The following ADAMTSL1 variants were observed in gnomAD, a reference collection of about 807,000 sequenced individuals.
The protein encoded by ADAMTSL1 is ADAMTS-like protein 1.
ADAMTSL1 carries 126 observed loss-of-function variants against 201.8 expected under a neutral mutation model. The observed-to-expected ratio is 0.62, with a 90% CI of 0.54 to 0.72. ADAMTSL1 has a LOEUF of 0.72. Ranked by LOEUF, ADAMTSL1 falls within the 30% of genes least tolerant of loss-of-function variation. The pLI, the probability that ADAMTSL1 is intolerant of heterozygous loss-of-function variation, is 0.00. For missense variants in ADAMTSL1, 2,679 were observed against 2,277.8 expected, an observed-to-expected ratio of 1.18 and a Z score of -3.59; for synonymous variants, 1,121 against 903.4, an observed-to-expected ratio of 1.24 and a Z score of -4.32.
intron 2 of ADAMTSL1, among the ~76,000 whole-genome samples, chr9:18,191,411 C>T (rs914868784): frequency 4.6e-5 from 7 of 152,120 alleles, no homozygotes; most frequent in African/African-American, 1.4e-4. Flanking sequence ...AGACTGATGG[C>T]ATCTCAGGCG....
At chr9:18,173,244 T>G (rs908919931) in intron 2 of ADAMTSL1, among the ~76,000 whole-genome samples, 1 of 152,128 alleles carries the variant, frequency 6.6e-6, no homozygotes, top group Non-Finnish European at 1.5e-5. Context: ...TAGCAGTGGT[T>G]GAACTGGAAA....
intron 2 of ADAMTSL1, among the ~76,000 whole-genome samples, chr9:18,445,341 T>C (rs1820150759): frequency 6.6e-6 from 1 of 152,184 alleles, no homozygotes; most frequent in African/African-American, 2.4e-5. Flanking sequence ...TTGACTTTGT[T>C]TGTTTAATGC....
intron 4 of ADAMTSL1, among the ~76,000 whole-genome samples, chr9:18,597,274 A>T (rs118167044): frequency 1.3e-5 from 2 of 152,120 alleles, no homozygotes; most frequent in African/African-American, 4.8e-5. Context: ...GAGCCTGTTG[A>T]TGTGAGCTAA....
intron 1 of ADAMTSL1, among the ~76,000 whole-genome samples, chr9:18,083,808 C>T (rs1823620451): frequency 6.6e-6 from 1 of 152,172 alleles, no homozygotes. Context: ...TTACCACCCT[C>T]CACAATACAA....
At chr9:18,300,551 G>A (rs573098760) in intron 2 of ADAMTSL1, among the ~76,000 whole-genome samples, 81 of 152,144 alleles carry the variant, frequency 5.3e-4, no homozygotes, top group African/African-American at 1.8e-3. Context: ...CATGGTACAC[G>A]TATACCTATG....
chr9:18,443,613 A>T (rs1364022552), intron 2 of ADAMTSL1, among the ~76,000 whole-genome samples: 1 of 152,196 alleles, frequency 6.6e-6, no homozygotes, highest in Non-Finnish European at 1.5e-5. Context: ...TAAGAAAGAA[A>T]ATGACTTCAT....
chr9:18,888,007 G>A lies in ADAMTSL1; in HGVS notation c.4426G>A (p.Gly1476Arg). ...EFSCLAQNEA[G>R]VLMQKASLVI... ...CAGCTGCCTTGCTCAGAATGAGGCA[G>A]GGGTGCTCATGCAGAAGGCATCTTT... The change falls in exon 24 of 29, where the codon GGG becomes AGG. Residue 1476 changes from glycine (G) to arginine (R), a missense_variant. By Grantham distance (125) the Gly-to-Arg change is moderately radical. Coordinates refer to ENST00000380548, the MANE Select transcript of ADAMTSL1 (RefSeq NM_001040272.6). 1 of 1,613,810 alleles carries A rather than the reference G, an allele frequency of 6.2e-7. No individual in the cohort carries two copies. Among genetic ancestry groups the A allele is most frequent in the East Asian group, 2.2e-5 (1 of 44,888 alleles).
At chr9:18,273,376 C>T (rs923711679) in intron 2 of ADAMTSL1, among the ~76,000 whole-genome samples, 15 of 152,114 alleles carry the variant, frequency 9.9e-5, no homozygotes, top group Non-Finnish European at 1.6e-4. Context: ...TCATCACGCC[C>T]GGCCACCTCA....
intron 2 of ADAMTSL1, among the ~76,000 whole-genome samples, chr9:18,390,487 C>A (rs564593125): frequency 3.3e-5 from 5 of 152,174 alleles, no homozygotes; most frequent in Non-Finnish European, 7.3e-5. Flanking sequence ...TCATTTCTCT[C>A]GGTCAGCTTT....
chr9:18,358,667 G>A (rs970252784), intron 2 of ADAMTSL1, among the ~76,000 whole-genome samples: 1 of 152,162 alleles, frequency 6.6e-6, no homozygotes, highest in Non-Finnish European at 1.5e-5. Flanking sequence ...TTAACACAAT[G>A]TTTTAAAGCT....
At chr9:18,894,345 C>CTTTTTTTTTTTTTTTTTTTTTTTTTT (rs56112949) in intron 26 of ADAMTSL1, among the ~76,000 whole-genome samples, 1 of 124,040 alleles carries the variant, frequency 8.1e-6, no homozygotes. Flanking sequence ...AAAACCTTGT[C>CTTTTTTTTTTTTTTTTTTTTTTTTTT]TTTTTTTTTT....
chr9:18,553,283 T>C (rs1206228291), intron 3 of ADAMTSL1, among the ~76,000 whole-genome samples: 2 of 151,088 alleles, frequency 1.3e-5, no homozygotes, highest in Non-Finnish European at 3.0e-5. Context: ...TCCATTTCTA[T>C]TTTTTTACTA....
At chr9:18,313,223 G>A (rs1222125806) in intron 2 of ADAMTSL1, among the ~76,000 whole-genome samples, 2 of 152,158 alleles carry the variant, frequency 1.3e-5, no homozygotes, top group African/African-American at 4.8e-5. Flanking sequence ...TCGTCCTCCA[G>A]ACAACTCTTT....
chr9:18,295,832 G>A (rs60964551), intron 2 of ADAMTSL1, among the ~76,000 whole-genome samples: 10,032 of 152,080 alleles, frequency 0.066, 1,110 homozygotes, highest in African/African-American at 0.23. Context: ...ATAATTAAGT[G>A]CCATCAAAAA....
intron 2 of ADAMTSL1, among the ~76,000 whole-genome samples, chr9:18,336,615 A>C (rs1030212755): frequency 3.9e-5 from 6 of 152,156 alleles, no homozygotes; most frequent in African/African-American, 9.7e-5. Context: ...ATGTAGCCTA[A>C]GATCTGTTTT....
At chr9:18,000,185 C>A (rs1357167199) in intron 1 of ADAMTSL1, among the ~76,000 whole-genome samples, 1 of 151,108 alleles carries the variant, frequency 6.6e-6, no homozygotes, top group Non-Finnish European at 1.5e-5. Context: ...GCCACACTGA[C>A]TTCCACAATG....
At position 18,777,265 on chromosome 9, in the gene ADAMTSL1, C is replaced by G. The variant is rs758023980; in HGVS notation, c.3036C>G (p.Gly1012=). Reference sequence around the variant, plus strand: ...ACGGCAGCAAGGCGGAGAAGCGGGGCCTGGCCGCCAACCCGGGGAGCCGCT... The same window carrying G: ...ACGGCAGCAAGGCGGAGAAGCGGGGGCTGGCCGCCAACCCGGGGAGCCGCT... ...FSNGSKAEKR[G]LAANPGSRYD... is the part of the protein sequence containing the mutation. The change falls in exon 19 of 29, where the codon GGC becomes GGG. Residue 1012 remains glycine (G), a synonymous_variant. Coordinates refer to ENST00000380548, the MANE Select transcript of ADAMTSL1 (RefSeq NM_001040272.6). 1.2e-6 allele frequency: 2 copies of G among 1,610,472 alleles called. No individual in the cohort carries two copies. The highest frequency in any genetic ancestry group is 1.7e-6 in the Non-Finnish European group (2 of 1,178,868).
chr9:18,538,388 TC>T (rs1220821787), intron 3 of ADAMTSL1, among the ~76,000 whole-genome samples: 1 of 152,162 alleles, frequency 6.6e-6, no homozygotes, highest in Non-Finnish European at 1.5e-5. Context: ...GTTTATAATT[TC>T]TTTGAGCCTC....
chr9:18,385,958 C>G (rs577984393), intron 2 of ADAMTSL1, among the ~76,000 whole-genome samples: 1 of 152,284 alleles, frequency 6.6e-6, no homozygotes, highest in Non-Finnish European at 1.5e-5. Flanking sequence ...CTTCTCTATT[C>G]CAAGCTCAGA....
Sources: gnomAD v4.1 joint callset for allele counts (sites outside exome capture counted in the v4.1 genomes callset) on GRCh38, gnomAD v4.1.1 for gene constraint, MANE v1.5 for transcripts, NCBI Gene and HGNC (gene_info 2026-07-23, HGNC 2026-07-21) for gene names.